ACOT7: variants seen among roughly 807,000 people sequenced by gnomAD.
ACOT7 encodes the protein acyl-CoA thioesterase 7, also known as cytosolic acyl coenzyme A thioester hydrolase.
ACOT7 carries 12 observed loss-of-function variants against 40.2 expected under a neutral mutation model. That is an observed-to-expected ratio of 0.30 (90% CI 0.19 to 0.48). ACOT7 has a LOEUF of 0.48. ACOT7 is among the 20% of genes least tolerant of loss of function. The pLI is 0.99. For missense variants in ACOT7, 395 were observed against 530.8 expected (o/e 0.74, Z 2.51); for synonymous variants, 228 against 219.5 (o/e 1.04, Z -0.34).
chr1:6,373,275 G>C (rs1407667438), intron 1 of ACOT7, among the ~76,000 whole-genome samples: 2 of 151,882 alleles, frequency 1.3e-5, no homozygotes, highest in South Asian at 4.2e-4. Context: ...TTTTGAGAAG[G>C]AGTCTCGCTC....
At chr1:6,387,769 G>A (rs1361046847) in intron 1 of ACOT7, among the ~76,000 whole-genome samples, 3 of 152,136 alleles carry the variant, frequency 2.0e-5, no homozygotes, top group Non-Finnish European at 4.4e-5. Flanking sequence ...GTTGGACAGT[G>A]GGTAGACAAA....
chr1:6,393,038 G>A (rs1277564499), intron 1 of ACOT7, among the ~76,000 whole-genome samples: 2 of 151,766 alleles, frequency 1.3e-5, no homozygotes, highest in Non-Finnish European at 2.9e-5. Flanking sequence ...CGGCCAGGAG[G>A]AGCCGGCTGG....
intron 8 of ACOT7, among the ~76,000 whole-genome samples, chr1:6,276,584 C>A (rs570090551): frequency 6.6e-6 from 1 of 151,998 alleles, no homozygotes; most frequent in African/African-American, 2.4e-5. Flanking sequence ...AGAAAGCTGA[C>A]GTGGGGATGA....
At position 6,339,545 on chromosome 1, in the gene ACOT7, G is replaced by A. The variant is rs147559738; in HGVS notation, c.306C>T (p.Phe102=). 188 of 1,613,602 alleles carry A rather than the reference G, an allele frequency of 1.2e-4. No homozygotes were observed. In the African/African-American group the frequency reaches 1.9e-3, roughly 17 times the overall value. The change falls in exon 3 of 9, where the codon TTC becomes TTT. Residue 102 remains phenylalanine (F), a synonymous_variant. Transcript: ENST00000361521. ...AALARVERTD[F]LSPMCIGEVA... ...CCTCACCGATGCACATGGGAGACAG[G>A]AAGTCGGTGCGCTCGACACGAGCCA...
intron 6 of ACOT7, among the ~76,000 whole-genome samples, chr1:6,308,424 AGGAACAGCAACAGGCAGAG>A (rs1031000560): frequency 6.6e-6 from 1 of 150,462 alleles, no homozygotes; most frequent in African/African-American, 2.5e-5. Flanking sequence ...AACAGGCAGA[AGGAACAGCAACAGGCAGAG>A]GGAACCACGA....
intron 8 of ACOT7, among the ~76,000 whole-genome samples, chr1:6,273,083 G>A (rs1639082065): frequency 6.6e-6 from 1 of 152,242 alleles, no homozygotes; most frequent in South Asian, 2.1e-4. Flanking sequence ...GCCCAGGTGG[G>A]TTTTTAACCC....
At position 6,275,491 on chromosome 1, in the gene ACOT7, G is replaced by A. The variant is rs538556613; in HGVS notation, c.1014+5611C>T. 1.1e-4 allele frequency among the ~76,000 whole-genome samples: 17 copies of A among 152,214 alleles called. 1 individual carries two copies. The highest frequency in any genetic ancestry group is 1.9e-4 in the East Asian group (1 of 5,174). On this transcript the variant is annotated intron_variant, in intron 8 of 8. Transcript: ENST00000361521. This position sits in a 1 kb window ranked among gnomAD's most constrained non-coding sequence, Gnocchi z 5.6. ...CTCACGCCTGTAATCCTAGCACTTT[G>A]GGAGGCCGAGGCAGGTGGATCACGA...
At chr1:6,367,438 C>A (rs1468525157) in intron 1 of ACOT7, among the ~76,000 whole-genome samples, 4 of 152,296 alleles carry the variant, frequency 2.6e-5, no homozygotes, top group Admixed American at 2.6e-4. Flanking sequence ...AGCTCCCATG[C>A]CTGCCAAGGA....
chr1:6,343,432 GCATC>G (rs1223259432), intron 2 of ACOT7, among the ~76,000 whole-genome samples: 1 of 152,268 alleles, frequency 6.6e-6, no homozygotes, highest in Non-Finnish European at 1.5e-5. Context: ...CTCTGTGACT[GCATC>G]TGGGGCTGGG....
At chr1:6,390,801 T>C (rs1642520383) in intron 1 of ACOT7, among the ~76,000 whole-genome samples, 1 of 150,696 alleles carries the variant, frequency 6.6e-6, no homozygotes, top group Non-Finnish European at 1.5e-5. Context: ...CCAGACATGA[T>C]GGCGGGTACC....
chr1:6,270,033 C>T (rs925703125), intron 8 of ACOT7, among the ~76,000 whole-genome samples: 6 of 152,216 alleles, frequency 3.9e-5, no homozygotes, highest in African/African-American at 1.4e-4. Flanking sequence ...CAAAGGGCCG[C>T]GGGGCGGTGT....
At chr1:6,328,075 G>A (rs190197536) in intron 4 of ACOT7, among the ~76,000 whole-genome samples, 72 of 151,724 alleles carry the variant, frequency 4.7e-4, no homozygotes, top group African/African-American at 1.7e-3. Flanking sequence ...CCCGGCCCCC[G>A]CTTTTTCACT....
intron 2 of ACOT7, among the ~76,000 whole-genome samples, chr1:6,348,352 G>GCA (rs1000322091): frequency 1.3e-5 from 2 of 148,720 alleles, no homozygotes; most frequent in East Asian, 3.9e-4. Context: ...ACACACACAC[G>GCA]CACACACACA....
intron 1 of ACOT7, among the ~76,000 whole-genome samples, chr1:6,368,522 C>T (rs914025021): frequency 1.3e-5 from 2 of 152,188 alleles, no homozygotes; most frequent in African/African-American, 4.8e-5. Flanking sequence ...GCCCGCACCT[C>T]CATGCCCAAT....
chr1:6,372,541 G>C (rs1261719873), intron 1 of ACOT7, among the ~76,000 whole-genome samples: 1 of 146,030 alleles, frequency 6.8e-6, no homozygotes, highest in Non-Finnish European at 1.5e-5. Flanking sequence ...GTTTAATCAT[G>C]TCTAACTTTT....
At chr1:6,373,499 C>T (rs969947314) in intron 1 of ACOT7, among the ~76,000 whole-genome samples, 18 of 152,020 alleles carry the variant, frequency 1.2e-4, no homozygotes, top group African/African-American at 4.3e-4. Flanking sequence ...GATCCGCCTG[C>T]CTCGGCCTCC....
In ACOT7 at chr1:6,319,499, A is replaced by G. The variant is rs1187807707; in HGVS notation, c.626-921T>C. Among the ~76,000 whole-genome samples, 4 of 152,306 alleles carry G rather than the reference A, an allele frequency of 2.6e-5. No individual in the cohort carries two copies. The East Asian group carries it at 7.7e-4, about 29-fold the overall frequency. ...TGAACCACCTTGCCCAGCCCAATATATAATTTTTGAAAAGTCAGTTATCCT... is the reference window on the plus strand; with the variant it reads ...TGAACCACCTTGCCCAGCCCAATATGTAATTTTTGAAAAGTCAGTTATCCT... On this transcript the variant is annotated intron_variant, in intron 5 of 8. Coordinates refer to ENST00000361521, the MANE Select transcript of ACOT7 (RefSeq NM_007274.4).
Position 6,269,788 on chromosome 1 carries a change from T to C in ACOT7, c.1015-5093A>G, listed in dbSNP as rs180886503. 4.6e-5 allele frequency among the ~76,000 whole-genome samples: 7 copies of C among 152,318 alleles called. No individual in the cohort carries two copies. The East Asian group carries it at 1.4e-3, about 29-fold the overall frequency. On this transcript the variant is annotated intron_variant, in intron 8 of 8. Transcript: ENST00000361521. ...CTGCTCTTCCCGTCTCCCGGGATGG[T>C]AGTATCTGCTGGATGTTCCAGGCTC...
At chr1:6,323,737 AATATATATATATATATATAT>A (rs57302929) in intron 5 of ACOT7, among the ~76,000 whole-genome samples, 3 of 38,414 alleles carry the variant, frequency 7.8e-5, no homozygotes, top group Non-Finnish European at 1.0e-4. Flanking sequence ...AAAAAAAAAA[AATATATATATATATATATAT>A]ATATATATAT....
Sources: gnomAD v4.1 joint callset for allele counts (sites outside exome capture counted in the v4.1 genomes callset) on GRCh38, gnomAD v4.1.1 for gene constraint, Gnocchi (gnomAD v3.1) non-coding constraint, MANE v1.5 for transcripts, NCBI Gene and HGNC (gene_info 2026-07-23, HGNC 2026-07-21) for gene names.